Variants in TENM4 observed in about 807,000 individuals in gnomAD.
The protein encoded by TENM4 is teneurin transmembrane protein 4.
Under a neutral mutation model 243.3 loss-of-function variants are expected in TENM4, and 82 were observed. That is an observed-to-expected ratio of 0.34 (90% CI 0.28 to 0.40). The LOEUF (loss-of-function observed/expected upper bound fraction) is 0.40, where lower values mean the gene tolerates loss of function less well. Among genes scored for constraint, TENM4 ranks in the 10% least tolerant of loss-of-function variants. TENM4 has a pLI of 1.00. For synonymous variants in TENM4, 1,412 were observed against 1,456.3 expected (o/e 0.97, Z 0.69); for missense variants, 3,138 against 3,673.3 (o/e 0.85, Z 3.77).
In TENM4 at chr11:78,658,658, G is replaced by C. The variant is rs1418192893; in HGVS notation, c.7710C>G (p.Val2570=). 6.2e-6 allele frequency: 10 copies of C among 1,613,934 alleles called. No homozygotes were observed. Among genetic ancestry groups the C allele is most frequent in the Non-Finnish European group, 7.6e-6 (9 of 1,179,904 alleles). ...CTCGGCCATCCTTCAAGGCAAACTT[G>C]ACCCCCTTGCCAAAGACTGAGCCGC... ...ASSGSVFGKG[V]KFALKDGRVT... is the part of the protein sequence containing the mutation. The change falls in exon 34 of 34, where the codon GTC becomes GTG. Residue 2570 remains valine, a synonymous_variant. Transcript: ENST00000278550.
chr11:79,418,383 C>T (rs186894529), intron 1 of TENM4, among the ~76,000 whole-genome samples: 2 of 152,248 alleles, frequency 1.3e-5, no homozygotes, highest in Admixed American at 1.3e-4. Flanking sequence ...CTACAGTATG[C>T]AGGACATGAA....
chr11:78,845,743 G>A (rs1461730810), intron 12 of TENM4, among the ~76,000 whole-genome samples: 1 of 152,010 alleles, frequency 6.6e-6, no homozygotes, highest in Non-Finnish European at 1.5e-5. Flanking sequence ...GCTGGCAAAC[G>A]GGAATGAGCA....
At chr11:79,082,784 A>T (rs1287635435) in intron 4 of TENM4, among the ~76,000 whole-genome samples, 1 of 152,168 alleles carries the variant, frequency 6.6e-6, no homozygotes, top group Non-Finnish European at 1.5e-5. Flanking sequence ...GCAGAATTTC[A>T]CTGACATCTC....
Position 79,070,002 on chromosome 11 carries a change from C to G in TENM4, c.-58G>C, listed in dbSNP as rs1398516756. 3 of 1,523,736 alleles carry G rather than the reference C, an allele frequency of 2.0e-6. No individual in the cohort carries two copies. Among genetic ancestry groups the G allele is most frequent in the African/African-American group, 2.8e-5 (2 of 72,536 alleles). 94.4% of individuals were successfully genotyped at this position (1,523,736 alleles called of 1,614,324 possible). A position where few individuals can be genotyped will look rare whatever the true frequency, so the allele number is the denominator to read the frequency against. On this transcript the variant is annotated 5_prime_UTR_variant, in exon 5 of 34. Coordinates refer to ENST00000278550, the MANE Select transcript of TENM4 (RefSeq NM_001098816.3). ...ACAGGGTCCTCGCCGCACTCAGGGCCGAGTGGTCTAGAGCCAGGGAAACCA... is the reference window on the plus strand; with the variant it reads ...ACAGGGTCCTCGCCGCACTCAGGGCGGAGTGGTCTAGAGCCAGGGAAACCA...
intron 2 of TENM4, among the ~76,000 whole-genome samples, chr11:79,295,405 A>C (rs1045417702): frequency 2.0e-5 from 3 of 152,112 alleles, no homozygotes; most frequent in Non-Finnish European, 1.5e-5. Flanking sequence ...TTGCACACAC[A>C]CAATTCTGCT....
intron 29 of TENM4, among the ~76,000 whole-genome samples, chr11:78,683,809 C>T (rs566367547): frequency 1.8e-4 from 27 of 152,130 alleles, no homozygotes; most frequent in South Asian, 6.2e-4. Context: ...TCCCTAGATT[C>T]TTAACTAAAT....
Position 78,779,221 on chromosome 11 carries a change from A to G in TENM4, c.2366-593T>C, listed in dbSNP as rs560034382. Among the ~76,000 whole-genome samples, 5 of 152,354 alleles carry G rather than the reference A, an allele frequency of 3.3e-5. No homozygotes were observed. The South Asian group carries it at 8.3e-4, about 25-fold the overall frequency. ...CCATTCTTGAATTTTCCATGTACAC[A>G]TGTGCCCACATATGCTTGAATGCAA... On this transcript the variant is annotated intron_variant, in intron 16 of 33. Coordinates refer to ENST00000278550, the MANE Select transcript of TENM4 (RefSeq NM_001098816.3).
intron 22 of TENM4, among the ~76,000 whole-genome samples, chr11:78,726,762 C>T (rs538741969): frequency 1.6e-5 from 2 of 121,326 alleles, no homozygotes; most frequent in East Asian, 4.0e-4. Context: ...TGGCTGCTCC[C>T]GCTTTGCCTC....
At chr11:79,132,823 A>G (rs912828199) in intron 4 of TENM4, among the ~76,000 whole-genome samples, 5 of 152,176 alleles carry the variant, frequency 3.3e-5, no homozygotes, top group African/African-American at 1.2e-4. Context: ...CAACCTATCA[A>G]CACCTCTGGG....
At chr11:79,196,417 A>G (rs150668021) in intron 3 of TENM4, among the ~76,000 whole-genome samples, 5 of 152,090 alleles carry the variant, frequency 3.3e-5, no homozygotes, top group African/African-American at 1.2e-4. Context: ...TCTGAAAGCT[A>G]CTATGGAAGT....
In TENM4 at chr11:78,702,397, G is replaced by A; in HGVS notation, c.4216C>T (p.Leu1406=). The stretch of plus-strand genomic sequence containing the variant: ...ATGGCTAAGTCTGTGGGCCACTCCA[G>A]GTGAACCTGACAATGAAGACACCGA... ...DSVMDISQVH[L]EWPTDLAINP... is the part of the protein sequence containing the mutation. Residue 1406 remains leucine, a synonymous_variant, in exon 28 of 34, where the codon CTG becomes TTG. Transcript: ENST00000278550. 6.2e-7 allele frequency: 1 copy of A among 1,609,938 alleles called. No individual in the cohort carries two copies. Among genetic ancestry groups the A allele is most frequent in the Middle Eastern group, 1.7e-4 (1 of 5,902 alleles).
chr11:79,328,590 C>T (rs7951006), intron 1 of TENM4, among the ~76,000 whole-genome samples: 55,834 of 151,618 alleles, frequency 0.37, 10,423 homozygotes, highest in Middle Eastern at 0.45. Context: ...GAGGCGGTGG[C>T]GGTGGTGGTG....
intron 6 of TENM4, among the ~76,000 whole-genome samples, chr11:79,058,153 A>T (rs1468679438): frequency 1.3e-5 from 2 of 152,340 alleles, no homozygotes; most frequent in East Asian, 3.9e-4. Context: ...TATATTCTGG[A>T]TATAGCTAGA....
chr11:79,379,436 G>A (rs1194229933), intron 1 of TENM4, among the ~76,000 whole-genome samples: 1 of 152,200 alleles, frequency 6.6e-6, no homozygotes, highest in African/African-American at 2.4e-5. Context: ...AGTGGAAACA[G>A]GACCCCTTTT....
chr11:79,172,406 C>T (rs1591331685), intron 3 of TENM4, among the ~76,000 whole-genome samples: 1 of 152,186 alleles, frequency 6.6e-6, no homozygotes, highest in African/African-American at 2.4e-5. Flanking sequence ...ACCAATCCCC[C>T]AAACCAGCCC....
intron 9 of TENM4, among the ~76,000 whole-genome samples, chr11:78,883,671 TGCAGCAC>T (rs1305710084): frequency 1.3e-5 from 2 of 152,262 alleles, no homozygotes; most frequent in Non-Finnish European, 2.9e-5. Flanking sequence ...GAGGCTCTTC[TGCAGCAC>T]GCAGTGTCTG....
intron 2 of TENM4, among the ~76,000 whole-genome samples, chr11:79,266,950 C>T (rs1200923925): frequency 6.6e-6 from 1 of 152,042 alleles, no homozygotes; most frequent in Non-Finnish European, 1.5e-5. Context: ...TAAAGGTTAC[C>T]ACATTCACAA....
intron 6 of TENM4, among the ~76,000 whole-genome samples, chr11:79,016,719 G>T (rs1858783898): frequency 6.6e-6 from 1 of 152,206 alleles, no homozygotes; most frequent in Non-Finnish European, 1.5e-5. Flanking sequence ...CTACCCAAAT[G>T]AAAGTTCATA....
At chr11:79,252,018 T>C (rs1030716563) in intron 2 of TENM4, among the ~76,000 whole-genome samples, 1 of 151,600 alleles carries the variant, frequency 6.6e-6, no homozygotes, top group African/African-American at 2.4e-5. Flanking sequence ...CTAATGGAAA[T>C]TTCAAAAGGA....
Sources: allele counts gnomAD v4.1 joint callset (sites outside exome capture counted in the v4.1 genomes callset), GRCh38; gene constraint gnomAD v4.1.1; transcripts MANE v1.5; gene names NCBI Gene and HGNC (gene_info 2026-07-23, HGNC 2026-07-21).